The following IL5RA variants were observed in gnomAD, a reference collection of about 807,000 sequenced individuals.
The protein encoded by IL5RA is interleukin-5 receptor subunit alpha.
IL5RA carries 49 observed loss-of-function variants against 50.0 expected under a neutral mutation model. The ratio of observed to expected loss-of-function variants is 0.98; its 90% confidence interval spans 0.78 to 1.24. The LOEUF (loss-of-function observed/expected upper bound fraction) is 1.24, where lower values mean the gene tolerates loss of function less well. IL5RA is among the 50% of genes most tolerant of loss of function. The probability of loss-of-function intolerance (pLI) is 0.00; values close to 1 mark genes in which losing one functional copy is unlikely to be tolerated. For synonymous variants in IL5RA, 202 were observed against 174.0 expected (o/e 1.16, Z -1.26); for missense variants, 600 against 500.4 (o/e 1.20, Z -1.90).
intron 5 of IL5RA, 29 bp downstream of exon 5, chr3:3,101,663 C>T: frequency 6.2e-7 from 1 of 1,602,346 alleles, no homozygotes; most frequent in South Asian, 1.1e-5. Flanking sequence ...CCAAAACATA[C>T]AAACTGGACT....
intron 8 of IL5RA, 76 bp downstream of exon 8, chr3:3,095,223 G>A: frequency 3.4e-6 from 4 of 1,172,222 alleles, no homozygotes; most frequent in Non-Finnish European, 4.9e-6. Context: ...CTTGGTTGCA[G>A]TCACTGAAGA....
chr3:3,078,924 C>T (rs558375383), intron 9 of IL5RA, among the ~76,000 whole-genome samples: 1 of 152,184 alleles, frequency 6.6e-6, no homozygotes, highest in South Asian at 2.1e-4. Context: ...TGACTTCCTC[C>T]TAGTCTAATT....
chr3:3,074,313 T>C (rs1415542459), intron 11 of IL5RA, among the ~76,000 whole-genome samples: 1 of 152,212 alleles, frequency 6.6e-6, no homozygotes, highest in Non-Finnish European at 1.5e-5. Flanking sequence ...CTGTGTCCCT[T>C]ATTATACCAG....
At chr3:3,089,072 G>A (rs1452268187) in intron 9 of IL5RA, among the ~76,000 whole-genome samples, 1 of 152,102 alleles carries the variant, frequency 6.6e-6, no homozygotes, top group Non-Finnish European at 1.5e-5. Flanking sequence ...TAGTTAGGTG[G>A]GGGCATCAAC....
chr3:3,109,362 C>G (rs1156762759), intron 1 of IL5RA, among the ~76,000 whole-genome samples: 5 of 152,150 alleles, frequency 3.3e-5, no homozygotes, highest in African/African-American at 1.2e-4. Flanking sequence ...CCTCTCTCTA[C>G]TTTTTGTTGT....
chr3:3,079,043 G>A (rs1001625759), intron 9 of IL5RA, among the ~76,000 whole-genome samples: 2 of 151,928 alleles, frequency 1.3e-5, no homozygotes, highest in Non-Finnish European at 2.9e-5. Context: ...CAGCTTTATT[G>A]CCCATATCTC....
intron 11 of IL5RA, among the ~76,000 whole-genome samples, chr3:3,071,591 G>A (rs1430614723): frequency 4.8e-5 from 5 of 103,110 alleles, no homozygotes; most frequent in African/African-American, 1.5e-4. Flanking sequence ...GTGTGTGTGT[G>A]TGTGTATTTT....
intron 4 of IL5RA, 102 bp downstream of exon 4, chr3:3,102,573 A>G (rs1315512221): frequency 3.9e-6 from 3 of 766,124 alleles, no homozygotes; most frequent in East Asian, 5.6e-5. Flanking sequence ...AGAGCCTGTC[A>G]GTAATTTTAT....
intron 9 of IL5RA, chr3:3,090,192 T>C: frequency 6.2e-7 from 1 of 1,610,586 alleles, no homozygotes; most frequent in East Asian, 2.2e-5. Context: ...TCCCTGCTGT[T>C]GTTTTTATTT....
intron 4 of IL5RA, 44 bp downstream of exon 4, chr3:3,102,631 C>A: frequency 7.5e-7 from 1 of 1,332,372 alleles, no homozygotes; most frequent in Non-Finnish European, 1.0e-6. Context: ...AGTCAAAATG[C>A]ATATTTATTC....
At chr3:3,095,586 T>C (rs1158748419) in intron 7 of IL5RA, 142 bp from the exon 8 acceptor site, 5 of 695,756 alleles carry the variant, frequency 7.2e-6, no homozygotes, top group Non-Finnish European at 1.2e-5. Context: ...AATCAACTGA[T>C]CTCCAAGCCA....
At chr3:3,104,370 A>G (rs1239683825) in intron 3 of IL5RA, among the ~76,000 whole-genome samples, 2 of 152,168 alleles carry the variant, frequency 1.3e-5, no homozygotes, top group Non-Finnish European at 2.9e-5. Context: ...CCTTAGTTGC[A>G]CTATCCATAT....
At position 3,092,497 on chromosome 3, in the gene IL5RA, T is replaced by G; in HGVS notation, c.856-135A>C. ...TCCTTTAAAATCAACAGGGCACACA[T>G]TAATTCGTTTATGCTAGGTGCGTTA... is the stretch of plus-strand genomic sequence containing the variant. On this transcript the variant is annotated intron_variant, in intron 8 of 11. Coordinates refer to ENST00000446632, the MANE Select transcript of IL5RA (RefSeq NM_175726.4). This position sits in a 1 kb window ranked among gnomAD's most constrained non-coding sequence, Gnocchi z 4.2. The G allele has an allele frequency of 1.3e-6, 1 of 798,982 alleles. No homozygotes were observed. Among genetic ancestry groups the G allele is most frequent in the South Asian group, 1.7e-5 (1 of 59,882 alleles). 49.5% of individuals were successfully genotyped at this position (798,982 alleles called of 1,614,324 possible).
In IL5RA at chr3:3,072,387, G is replaced by A. The variant is rs17882917; in HGVS notation, c.1177-2076C>T. ...GAGAAGCCAGGCGCTGTGGAGTGCCGTCATTCATCCTCTGCTTATTCTGAA... is the reference window on the plus strand; with the variant it reads ...GAGAAGCCAGGCGCTGTGGAGTGCCATCATTCATCCTCTGCTTATTCTGAA... On this transcript the variant is annotated intron_variant, in intron 11 of 11. Transcript: ENST00000446632. Among the ~76,000 whole-genome samples the A allele has an allele frequency of 8.7e-4, 132 of 152,314 alleles. 1 individual carries two copies. Among genetic ancestry groups the A allele is most frequent in the Non-Finnish European group, 1.6e-3 (112 of 68,038 alleles).
intron 11 of IL5RA, among the ~76,000 whole-genome samples, chr3:3,073,404 G>A (rs760788136): frequency 1.3e-5 from 2 of 152,112 alleles, no homozygotes; most frequent in Admixed American, 6.5e-5. Context: ...TGCCTGTTTT[G>A]GAAAATGAAG....
chr3:3,090,773 C>T (rs1409361218), intron 9 of IL5RA, among the ~76,000 whole-genome samples: 1 of 151,898 alleles, frequency 6.6e-6, no homozygotes, highest in Non-Finnish European at 1.5e-5. Context: ...CAGGGTTTCA[C>T]CATGTTACCG....
intron 10 of IL5RA, among the ~76,000 whole-genome samples, 178 bp from the exon 11 acceptor site, chr3:3,075,044 G>A (rs1033818866): frequency 1.3e-5 from 2 of 152,112 alleles, no homozygotes; most frequent in African/African-American, 4.8e-5. Flanking sequence ...GCAAGCCTCT[G>A]CTGTGGCCCT....
Position 3,104,897 on chromosome 3 carries a change from C to A in IL5RA, c.82+6G>T. ...AACATTATTGAATTGAATAGAAGGT[C>A]CTTACTCTTTTCATCAGGAAGTAAG... On this transcript the variant is annotated splice_donor_region_variant and intron_variant, in intron 3 of 11. Transcript: ENST00000446632. 2 of 1,560,140 alleles carry A rather than the reference C, an allele frequency of 1.3e-6. No homozygotes were observed. The highest frequency in any genetic ancestry group is 2.2e-5 in the South Asian group (2 of 89,724).
rs200496359 is a variant in IL5RA at position 3,098,217 on chromosome 3, C to T, written c.441G>A (p.Arg147=). Reference sequence around the variant, plus strand: ...TGCAGTGAAGGGAAACTTGGTATGACCTTAAACGTGAATAATTGTCTTCTG... The same window carrying T: ...TGCAGTGAAGGGAAACTTGGTATGATCTTAAACGTGAATAATTGTCTTCTG... ...NTTEDNYSRL[R]SYQVSLHCTW... Residue 147 remains arginine, a synonymous_variant, in exon 6 of 12, where the codon AGG becomes AGA. Coordinates refer to ENST00000446632, the MANE Select transcript of IL5RA (RefSeq NM_175726.4). The T allele has an allele frequency of 2.5e-6, 4 of 1,613,908 alleles. No homozygotes were observed. In the African/African-American group the frequency reaches 4.0e-5, roughly 16 times the overall value.
Sources: gnomAD v4.1 joint callset for allele counts (sites outside exome capture counted in the v4.1 genomes callset) on GRCh38, gnomAD v4.1.1 for gene constraint, Gnocchi (gnomAD v3.1) non-coding constraint, MANE v1.5 for transcripts, NCBI Gene and HGNC (gene_info 2026-07-23, HGNC 2026-07-21) for gene names.